The following ABCD2 variants were observed in gnomAD, a reference collection of about 807,000 sequenced individuals.
ABCD2 encodes the protein ATP binding cassette subfamily D member 2.
ABCD2 carries 36 observed loss-of-function variants against 70.9 expected under a neutral mutation model. The ratio of observed to expected loss-of-function variants is 0.51; its 90% CI spans 0.39 to 0.67. The LOEUF is 0.67. Among genes scored for constraint, ABCD2 ranks in the 30% least tolerant of loss-of-function variants. The pLI, the probability that ABCD2 is intolerant of heterozygous loss-of-function variation, is 0.00. For synonymous variants in ABCD2, 304 were observed against 306.9 expected (o/e 0.99, Z 0.10); for missense variants, 729 against 890.2 (o/e 0.82, Z 2.30).
chr12:39,545,484 A>G (rs1393234431), downstream of ABCD2, among the ~76,000 whole-genome samples: 2 of 152,188 alleles, frequency 1.3e-5, no homozygotes, highest in African/African-American at 2.4e-5. Flanking sequence ...AAGAGGTTAT[A>G]TAACATTCTC....
chr12:39,565,549 T>A (rs1025495823), intron 9 of ABCD2, among the ~76,000 whole-genome samples: 1 of 152,172 alleles, frequency 6.6e-6, no homozygotes, highest in African/African-American at 2.4e-5. Context: ...TGGGGTTTTC[T>A]AGGTATTCAA....
chr12:39,567,644 T>C (rs1566541612), intron 9 of ABCD2, among the ~76,000 whole-genome samples: 1 of 150,820 alleles, frequency 6.6e-6, no homozygotes, highest in Non-Finnish European at 1.5e-5. Flanking sequence ...AAGGTTAATA[T>C]TGTGTGAATT....
Position 39,617,063 on chromosome 12 carries a change from T to C in ABCD2, c.1045A>G (p.Lys349Glu), listed in dbSNP as rs1942125210. 6.2e-7 allele frequency: 1 copy of C among 1,612,512 alleles called. No homozygotes were observed. The highest frequency in any genetic ancestry group is 8.5e-7 in the Non-Finnish European group (1 of 1,179,174). The change falls in exon 2 of 10, where the codon AAG (lysine) becomes GAG (glutamate). Residue 349 changes from lysine to glutamate, a missense_variant. Around this residue, in one of 3 missense-constraint regions of ABCD2, gnomAD observed 195 missense variants for 300.2 expected, o/e 0.65. Coordinates refer to ENST00000308666, the MANE Select transcript of ABCD2 (RefSeq NM_005164.4). ...WYIMIEQFLM[K>E]YVWSSSGLIM... The stretch of plus-strand genomic sequence containing the variant: ...AGTCCACTGCTGCTCCAAACATACT[T>C]CATCAGGAACTGTTCTATCATGATG...
intron 9 of ABCD2, among the ~76,000 whole-genome samples, chr12:39,554,559 C>A (rs1027066969): frequency 2.0e-5 from 3 of 152,054 alleles, no homozygotes; most frequent in Non-Finnish European, 2.9e-5. Context: ...ATACACCATC[C>A]TTTGGGAATG....
chr12:39,594,105 C>G (rs552646217), intron 6 of ABCD2, among the ~76,000 whole-genome samples: 31 of 152,196 alleles, frequency 2.0e-4, no homozygotes, highest in Non-Finnish European at 4.0e-4. Context: ...TACAGATCAG[C>G]ACACCAAGAA....
downstream of ABCD2, among the ~76,000 whole-genome samples, chr12:39,548,652 A>G (rs936153229): frequency 5.9e-5 from 9 of 151,736 alleles, no homozygotes; most frequent in African/African-American, 2.2e-4. Context: ...TTGTAGGTCC[A>G]ATGCATTTTA....
the ABCD2 span, among the ~76,000 whole-genome samples, chr12:39,534,754 AAGAAAG>A: frequency 1.0e-5 from 1 of 95,356 alleles, no homozygotes; most frequent in Non-Finnish European, 2.1e-5. Context: ...GAAGGAAAGA[AAGAAAG>A]AGAAAGAAAG....
chr12:39,564,760 T>C (rs2120560100), intron 9 of ABCD2, among the ~76,000 whole-genome samples: 1 of 152,326 alleles, frequency 6.6e-6, no homozygotes, highest in East Asian at 1.9e-4. Context: ...TTTATGGTTT[T>C]AGGTCTAACA....
the ABCD2 span, among the ~76,000 whole-genome samples, chr12:39,539,207 C>G: frequency 6.6e-6 from 1 of 152,188 alleles, no homozygotes; most frequent in Admixed American, 6.5e-5. Context: ...ATGCTTAACT[C>G]TAAAGAGGGT....
intron 9 of ABCD2, among the ~76,000 whole-genome samples, chr12:39,554,808 C>T (rs778608741): frequency 9.9e-5 from 15 of 152,118 alleles, no homozygotes; most frequent in Non-Finnish European, 1.8e-4. Flanking sequence ...ACCATTCTGT[C>T]GGCTTTGTGG....
rs1227002671 is a variant in ABCD2, at chr12:39,573,569, C to T, written c.2003+147G>A. The T allele has an allele frequency of 2.1e-5, 14 of 682,604 alleles. No homozygotes were observed. In the East Asian group the frequency reaches 4.0e-4, roughly 20 times the overall value. 42.3% of individuals were successfully genotyped at this position (682,604 alleles called of 1,614,324 possible). Reference sequence around the variant, plus strand: ...ACTAATGATATTAGGTAGGGAGTATCTAAGCTACTAATGTGCAACTTAAGA... The same window carrying T: ...ACTAATGATATTAGGTAGGGAGTATTTAAGCTACTAATGTGCAACTTAAGA... On this transcript the variant is annotated intron_variant, in intron 9 of 9. Coordinates refer to ENST00000308666, the MANE Select transcript of ABCD2 (RefSeq NM_005164.4).
intron 7 of ABCD2, among the ~76,000 whole-genome samples, chr12:39,584,897 A>C (rs893907798): frequency 1.3e-5 from 2 of 152,148 alleles, no homozygotes; most frequent in African/African-American, 2.4e-5. Context: ...TTGTAACAGC[A>C]CTATGCTGTT....
In ABCD2 at chr12:39,604,761, C is replaced by T. The variant is rs755130015; in HGVS notation, c.1405+1G>A. 3 of 1,582,888 alleles carry T rather than the reference C, an allele frequency of 1.9e-6. No individual in the cohort carries two copies. Among genetic ancestry groups the T allele is most frequent in the Non-Finnish European group, 2.6e-6 (3 of 1,168,822 alleles). On this transcript the variant is annotated splice_donor_variant, in intron 4 of 9. Coordinates refer to ENST00000308666, the MANE Select transcript of ABCD2 (RefSeq NM_005164.4). LOFTEE classifies it high-confidence loss of function. ...AATATAAAAGCACTTGAGTTTAATA[C>T]CTTTAATTGCCAATGTGTCACTGAG...
At chr12:39,533,672 A>C in the ABCD2 span, among the ~76,000 whole-genome samples, 1 of 152,236 alleles carries the variant, frequency 6.6e-6, no homozygotes, top group Non-Finnish European at 1.5e-5. Flanking sequence ...AATATTTTTT[A>C]AAAATTACTT....
intron 9 of ABCD2, among the ~76,000 whole-genome samples, chr12:39,564,814 T>C (rs1470979460): frequency 2.0e-5 from 3 of 152,204 alleles, no homozygotes; most frequent in Non-Finnish European, 4.4e-5. Flanking sequence ...GTATAAGGTG[T>C]AAGGAAGGGA....
intron 6 of ABCD2, among the ~76,000 whole-genome samples, chr12:39,599,346 C>A (rs1470322000): frequency 1.3e-5 from 2 of 152,044 alleles, no homozygotes; most frequent in Non-Finnish European, 2.9e-5. Flanking sequence ...GCCTTCTAAC[C>A]TAAATAAAAA....
the ABCD2 span, among the ~76,000 whole-genome samples, chr12:39,536,104 A>T: frequency 6.6e-6 from 1 of 152,234 alleles, no homozygotes; most frequent in African/African-American, 2.4e-5. Flanking sequence ...ATAAATAAAT[A>T]AAATAAAATA....
At chr12:39,542,670 T>C in the ABCD2 span, among the ~76,000 whole-genome samples, 16 of 151,886 alleles carry the variant, frequency 1.1e-4, no homozygotes, top group South Asian at 3.3e-3. Flanking sequence ...GGCTGTGGAG[T>C]ATGAAGAGCA....
At chr12:39,612,032 C>G (rs960535597) in intron 2 of ABCD2, among the ~76,000 whole-genome samples, 1 of 152,008 alleles carries the variant, frequency 6.6e-6, no homozygotes, top group Non-Finnish European at 1.5e-5. Flanking sequence ...AAAGTAAGAC[C>G]ACAGTGAAGT....
Sources: gnomAD v4.1 joint callset for allele counts (sites outside exome capture counted in the v4.1 genomes callset) on GRCh38, gnomAD v4.1.1 for gene constraint, gnomAD v4.1.1 regional missense constraint, MANE v1.5 for transcripts, NCBI Gene and HGNC (gene_info 2026-07-23, HGNC 2026-07-21) for gene names.